The following FGF12 variants were observed in gnomAD, a reference collection of about 807,000 sequenced individuals.
FGF12 encodes fibroblast growth factor 12B.
In FGF12, 14 loss-of-function variants were observed where a neutral mutation model predicts 23.6. The observed-to-expected ratio is 0.59, with a 90% CI of 0.39 to 0.93. The LOEUF is 0.93. FGF12 is among the 40% of genes least tolerant of loss of function. The pLI, the probability that FGF12 is intolerant of heterozygous loss-of-function variation, is 0.00. For synonymous variants in FGF12, 62 were observed against 77.3 expected (o/e 0.80, Z 1.04); for missense variants, 175 against 217.8 (o/e 0.80, Z 1.24).
At chr3:192,712,214 C>G (rs1392268117) in intron 2 of FGF12, among the ~76,000 whole-genome samples, 1 of 150,788 alleles carries the variant, frequency 6.6e-6, no homozygotes, top group African/African-American at 2.4e-5. Context: ...AAATAGAAAC[C>G]TATGAAAAAT....
At chr3:192,243,408 C>T (rs1719720502) in intron 4 of FGF12, among the ~76,000 whole-genome samples, 1 of 151,682 alleles carries the variant, frequency 6.6e-6, no homozygotes, top group African/African-American at 2.4e-5. Context: ...AAAATTGGAA[C>T]AGCCTGGGTA....
chr3:192,392,094 G>A (rs1454378909), intron 2 of FGF12, among the ~76,000 whole-genome samples: 1 of 152,170 alleles, frequency 6.6e-6, no homozygotes, highest in Non-Finnish European at 1.5e-5. Flanking sequence ...GCTGATCTGA[G>A]GAACTATTAT....
At chr3:192,481,315 A>C (rs1006754680) in intron 2 of FGF12, among the ~76,000 whole-genome samples, 2 of 152,088 alleles carry the variant, frequency 1.3e-5, no homozygotes, top group Non-Finnish European at 2.9e-5. Context: ...AAAAAAATGC[A>C]CTTATCCTCT....
intron 4 of FGF12, among the ~76,000 whole-genome samples, chr3:192,182,001 ACAG>A (rs1716207750): frequency 6.6e-6 from 1 of 152,182 alleles, no homozygotes; most frequent in South Asian, 2.1e-4. Flanking sequence ...TAAACAATAA[ACAG>A]CAGAAAAAAT....
intron 2 of FGF12, among the ~76,000 whole-genome samples, chr3:192,376,177 T>A (rs1343165672): frequency 6.6e-6 from 1 of 151,920 alleles, no homozygotes; most frequent in Non-Finnish European, 1.5e-5. Context: ...TCTCTTAAAA[T>A]CTCACTCAAT....
intron 4 of FGF12, among the ~76,000 whole-genome samples, chr3:192,304,188 C>A (rs9855016): frequency 0.023 from 3,276 of 144,016 alleles, 116 homozygotes; most frequent in African/African-American, 0.075. Context: ...TTCTATAGAA[C>A]CCAAAAACAC....
chr3:192,708,105 G>A lies in FGF12; in HGVS notation c.13+19076C>T, dbSNP rs182765946. Reference sequence around the variant, plus strand: ...CTCCCAAGTAGCTGGGACTACAGGCGCCTGCCACCACACCCGGCCAATTTT... The same window carrying A: ...CTCCCAAGTAGCTGGGACTACAGGCACCTGCCACCACACCCGGCCAATTTT... On this transcript the variant is annotated intron_variant, in intron 2 of 5. Coordinates refer to ENST00000445105, the MANE Select transcript of FGF12 (RefSeq NM_004113.6). Among the ~76,000 whole-genome samples, 494 of 152,094 alleles carry A rather than the reference G, an allele frequency of 3.2e-3. 4 individuals are homozygous for A. Among genetic ancestry groups the A allele is most frequent in the Admixed American group, 7.2e-3 (110 of 15,268 alleles).
chr3:192,452,150 T>G (rs1722541794), intron 2 of FGF12, among the ~76,000 whole-genome samples: 1 of 152,206 alleles, frequency 6.6e-6, no homozygotes, highest in Non-Finnish European at 1.5e-5. Context: ...TGGTACATAT[T>G]TTCTATCAAA....
At chr3:192,530,223 T>C (rs1725052182) in intron 2 of FGF12, among the ~76,000 whole-genome samples, 1 of 152,176 alleles carries the variant, frequency 6.6e-6, no homozygotes, top group South Asian at 2.1e-4. Context: ...GAAATCAAAC[T>C]GGACCTAGGA....
intron 2 of FGF12, among the ~76,000 whole-genome samples, chr3:192,532,524 T>A (rs1725117884): frequency 6.6e-6 from 1 of 152,182 alleles, no homozygotes; most frequent in Non-Finnish European, 1.5e-5. Flanking sequence ...TAAAAGCAAT[T>A]GAGTTCTTGA....
At chr3:192,567,394 T>C (rs1213964707) in intron 2 of FGF12, among the ~76,000 whole-genome samples, 1 of 152,190 alleles carries the variant, frequency 6.6e-6, no homozygotes. Flanking sequence ...GGGCTTTATT[T>C]TTTTAAGTAA....
At chr3:192,240,099 G>A (rs142447809) in intron 4 of FGF12, among the ~76,000 whole-genome samples, 1 of 152,314 alleles carries the variant, frequency 6.6e-6, no homozygotes, top group East Asian at 1.9e-4. Flanking sequence ...TGTGCATGTT[G>A]AATCCCCACC....
chr3:192,489,197 T>A (rs1009321498), intron 2 of FGF12, among the ~76,000 whole-genome samples: 1 of 152,044 alleles, frequency 6.6e-6, no homozygotes, highest in Non-Finnish European at 1.5e-5. Flanking sequence ...ATCATTATTA[T>A]CACAATAATA....
chr3:192,607,846 T>TA (rs36061162), intron 2 of FGF12, among the ~76,000 whole-genome samples: 3,386 of 121,930 alleles, frequency 0.028, 64 homozygotes, highest in African/African-American at 0.063. Context: ...CACTGAAAAT[T>TA]AAAAAAAAAA....
intron 3 of FGF12, among the ~76,000 whole-genome samples, chr3:192,350,008 T>C (rs1718144940): frequency 6.6e-6 from 1 of 152,144 alleles, no homozygotes; most frequent in Non-Finnish European, 1.5e-5. Context: ...TAATTAAATC[T>C]TTTGGTTTCA....
rs1713021408 is a variant in FGF12, at chr3:192,265,435, C to CTTAA, written c.228+69922_228+69925dup. On this transcript the variant is annotated intron_variant, in intron 4 of 5. Coordinates refer to ENST00000445105, the MANE Select transcript of FGF12 (RefSeq NM_004113.6). ...ATAAAGGGTAGGTGGCTCTTTCTCC[C>CTTAA]TTAATTATTTCTCATGATAAGTATT... 7.9e-5 allele frequency: 12 copies of CTTAA among 152,056 alleles called. 1 individual carries two copies. In the South Asian group the frequency reaches 2.1e-3, roughly 26 times the overall value. 9.4% of individuals were successfully genotyped at this position (152,056 alleles called of 1,614,324 possible). A position where few individuals can be genotyped will look rare whatever the true frequency, so the allele number is the denominator to read the frequency against.
In FGF12 at chr3:192,487,000, CTAT is replaced by C. The variant is rs139848338; in HGVS notation, c.14-126465_14-126463del. On this transcript the variant is annotated intron_variant, in intron 2 of 5. Transcript: ENST00000445105. ...CTCCTGCATCTTTGGATTTGTTTTA[CTAT>C]TATTATTATTATTATTTTCTGGAAG... 4.0e-5 allele frequency among the ~76,000 whole-genome samples: 6 copies of C among 151,818 alleles called. No individual in the cohort carries two copies. In the South Asian group the frequency reaches 1.0e-3, roughly 26 times the overall value.
At chr3:192,472,801 TG>T (rs1320155541) in intron 2 of FGF12, among the ~76,000 whole-genome samples, 7 of 152,118 alleles carry the variant, frequency 4.6e-5, no homozygotes, top group African/African-American at 1.7e-4. Context: ...CTACCAGGGG[TG>T]TTAAAGACAA....
At chr3:192,439,405 A>G (rs913793128) in intron 2 of FGF12, among the ~76,000 whole-genome samples, 2 of 152,102 alleles carry the variant, frequency 1.3e-5, no homozygotes, top group African/African-American at 2.4e-5. Context: ...ATGTAATGCA[A>G]CTCCTATAAA....
Sources: gnomAD v4.1 joint callset for allele counts (sites outside exome capture counted in the v4.1 genomes callset) on GRCh38, gnomAD v4.1.1 for gene constraint, MANE v1.5 for transcripts, NCBI Gene and HGNC (gene_info 2026-07-23, HGNC 2026-07-21) for gene names.